The following DOCK10 variants were observed in gnomAD, a reference collection of about 807,000 sequenced individuals.
The protein encoded by DOCK10 is dedicator of cytokinesis 10.
DOCK10 carries 145 observed loss-of-function variants against 280.1 expected under a neutral mutation model. The ratio of observed to expected loss-of-function variants is 0.52; its 90% confidence interval spans 0.45 to 0.59. The LOEUF is 0.59. Among genes scored for constraint, DOCK10 ranks in the 20% least tolerant of loss-of-function variants. DOCK10 has a pLI of 0.00. For synonymous variants in DOCK10, 915 were observed against 942.2 expected (o/e 0.97, Z 0.53); for missense variants, 2,368 against 2,651.7 (o/e 0.89, Z 2.35).
chr2:224,984,586 T>C (rs1466307464), intron 1 of DOCK10, among the ~76,000 whole-genome samples: 3 of 151,560 alleles, frequency 2.0e-5, no homozygotes, highest in Non-Finnish European at 4.4e-5. Flanking sequence ...GATTAGTTTC[T>C]TTGGAATTCA....
At chr2:224,793,601 G>T in intron 45 of DOCK10, 144 bp from the exon 46 acceptor site, 1 of 572,078 alleles carries the variant, frequency 1.7e-6, no homozygotes, top group Non-Finnish European at 2.9e-6. Context: ...AGGATCAATT[G>T]TATTTCCAAA....
At chr2:224,945,531 G>C (rs1182455025) in intron 1 of DOCK10, among the ~76,000 whole-genome samples, 1 of 152,066 alleles carries the variant, frequency 6.6e-6, no homozygotes, top group African/African-American at 2.4e-5. Flanking sequence ...CAACAACACA[G>C]TACCAACCCT....
chr2:224,784,119 C>G (rs1263584883), intron 50 of DOCK10, among the ~76,000 whole-genome samples: 1 of 152,172 alleles, frequency 6.6e-6, no homozygotes, highest in Non-Finnish European at 1.5e-5. Context: ...TTGCTCCTTT[C>G]TCCATCTCTG....
Position 224,807,686 on chromosome 2 carries a change from A to G in DOCK10, c.3684T>C (p.Thr1228=). The G allele has an allele frequency of 6.4e-7, 1 of 1,562,188 alleles. No homozygotes were observed. The highest frequency in any genetic ancestry group is 2.3e-5 in the East Asian group (1 of 42,758). ...AACGTACCTGATTAGATGTATTGACAGTAAAAGGATACAGGTCCTTCAGAT... is the reference window on the plus strand; with the variant it reads ...AACGTACCTGATTAGATGTATTGACGGTAAAAGGATACAGGTCCTTCAGAT... ...RIYLKDLYPF[T]VNTSNQGSRD... Residue 1228 remains threonine, a synonymous_variant, in exon 33 of 56, where the codon ACT becomes ACC. Coordinates refer to ENST00000258390, the MANE Select transcript of DOCK10 (RefSeq NM_014689.3).
intron 2 of DOCK10, among the ~76,000 whole-genome samples, chr2:224,917,575 G>C (rs1701408217): frequency 6.6e-6 from 1 of 152,008 alleles, no homozygotes; most frequent in African/African-American, 2.4e-5. Context: ...GAAGGAAGAA[G>C]GAGTGTTTAG....
intron 7 of DOCK10, among the ~76,000 whole-genome samples, chr2:224,877,744 C>A (rs1698729487): frequency 6.6e-6 from 1 of 152,018 alleles, no homozygotes; most frequent in Non-Finnish European, 1.5e-5. Context: ...AGCGGGGGAA[C>A]CCAAGAACAA....
Position 224,845,619 on chromosome 2 carries a change from T to C in DOCK10, c.2259A>G (p.Gln753=), listed in dbSNP as rs748829514. 1.9e-6 allele frequency: 3 copies of C among 1,611,740 alleles called. No homozygotes were observed. In the South Asian group the frequency reaches 3.3e-5, roughly 18 times the overall value. Residue 753 remains glutamine, a synonymous_variant, in exon 20 of 56, where the codon CAA becomes CAG. Transcript: ENST00000258390. ...ACAAAATATGGTGTTTCTCATGGAG[T>C]TGTGTTGGTAGCTCAATTTTCACCT... ...SDEVKIELPT[Q]LHEKHHILFS...
intron 1 of DOCK10, among the ~76,000 whole-genome samples, chr2:224,980,589 C>T (rs551071313): frequency 6.6e-6 from 1 of 152,172 alleles, no homozygotes; most frequent in Non-Finnish European, 1.5e-5. Context: ...AAGAAATTTT[C>T]AAGATGCACA....
chr2:224,916,735 T>G lies in DOCK10; in HGVS notation c.293A>C (p.Glu98Ala), dbSNP rs754560775. 7.4e-6 allele frequency: 12 copies of G among 1,611,522 alleles called. No individual in the cohort carries two copies. Among genetic ancestry groups the G allele is most frequent in the Non-Finnish European group, 1.0e-5 (12 of 1,178,878 alleles). Reference protein sequence around the residue: ...DIRTLYSTVPEDAEHKAENLL... With the variant: ...DIRTLYSTVPADAEHKAENLL... ...ATTTTCTGCCTTGTGCTCTGCATCT[T>G]CAGGTACTGTTGAGTACAACGTGCG... The change falls in exon 3 of 56, where the codon GAA becomes GCA. Residue 98 changes from glutamate (E) to alanine (A), a missense_variant. Around this residue, in one of 2 missense-constraint regions of DOCK10, gnomAD observed 1,209 missense variants for 1,250.9 expected, o/e 0.97. Coordinates refer to ENST00000258390, the MANE Select transcript of DOCK10 (RefSeq NM_014689.3).
intron 1 of DOCK10, among the ~76,000 whole-genome samples, chr2:224,932,476 G>A (rs370122076): frequency 9.2e-5 from 14 of 151,928 alleles, no homozygotes; most frequent in African/African-American, 2.7e-4. Context: ...CTCCCTCGCC[G>A]CAAAACACAA....
Position 224,765,709 on chromosome 2 carries a change from G to A in DOCK10, c.*12C>T. The A allele has an allele frequency of 6.3e-7, 1 of 1,583,088 alleles. No individual in the cohort carries two copies. Among genetic ancestry groups the A allele is most frequent in the Non-Finnish European group, 8.7e-7 (1 of 1,153,820 alleles). ...AAGTTCTCTTAGAGGTGGGTCTGAT[G>A]CTGCAGAGCCCTCAGACTTCAGCAC... On this transcript the variant is annotated 3_prime_UTR_variant, in exon 56 of 56. Transcript: ENST00000258390.
At chr2:224,874,863 TGA>T (rs1698524353) in intron 8 of DOCK10, 112 bp from the exon 9 acceptor site, 1 of 891,276 alleles carries the variant, frequency 1.1e-6, no homozygotes. Flanking sequence ...GGGACGTTGG[TGA>T]GCCTAAGCTT....
Position 224,920,236 on chromosome 2 carries a change from CTTTTT to C in DOCK10, c.244-3457_244-3453del, listed in dbSNP as rs377415968. 6.0e-3 allele frequency among the ~76,000 whole-genome samples: 759 copies of C among 126,206 alleles called. 5 individuals are homozygous for C. The highest frequency in any genetic ancestry group is 0.022 in the African/African-American group (701 of 32,312). 82.8% of individuals were successfully genotyped at this position (126,206 alleles called of 152,430 possible). On this transcript the variant is annotated intron_variant, in intron 2 of 55. Transcript: ENST00000258390. ...CACCACTATGCCTGGCTAATTTTCA[CTTTTT>C]TTTTTTTTTTTTTGTAGAGACAGGG...
At chr2:224,845,967 G>T (rs543123620) in intron 19 of DOCK10, among the ~76,000 whole-genome samples, 1 of 152,004 alleles carries the variant, frequency 6.6e-6, no homozygotes, top group Non-Finnish European at 1.5e-5. Context: ...CAAGTGATCC[G>T]CCCGCCTTGG....
intron 1 of DOCK10, among the ~76,000 whole-genome samples, chr2:224,934,812 C>T (rs559778879): frequency 6.6e-6 from 1 of 152,312 alleles, no homozygotes; most frequent in Non-Finnish European, 1.5e-5. Context: ...GCCAAGATTA[C>T]TCTGAATTGG....
intron 14 of DOCK10, among the ~76,000 whole-genome samples, chr2:224,860,421 T>A (rs1574952092): frequency 6.6e-6 from 1 of 152,306 alleles, no homozygotes; most frequent in East Asian, 1.9e-4. Flanking sequence ...AATCTTTTAT[T>A]GGGTACATAT....
At chr2:224,810,872 T>C (rs1693725754) in intron 31 of DOCK10, among the ~76,000 whole-genome samples, 1 of 152,042 alleles carries the variant, frequency 6.6e-6, no homozygotes, top group Non-Finnish European at 1.5e-5. Flanking sequence ...ATTTTCTTAA[T>C]CCAGTCTATC....
Position 224,874,112 on chromosome 2 carries a change from ACT to A in DOCK10, c.1139_1140del (p.Glu380ValfsTer7). 6.2e-7 allele frequency: 1 copy of A among 1,608,622 alleles called. No individual in the cohort carries two copies. The highest frequency in any genetic ancestry group is 1.1e-5 in the South Asian group (1 of 90,002). On this transcript the variant is annotated frameshift_variant, in exon 11 of 56. Coordinates refer to ENST00000258390, the MANE Select transcript of DOCK10 (RefSeq NM_014689.3). LOFTEE classifies it high-confidence loss of function. ...KLQKKDLLEP[E>X]SVIKPFEEKA... ...TTTTCTTCAAATGGTTTGATCACAG[ACT>A]CAGGTTCCAAGAGATCTTTTTTTTG...
At chr2:224,972,135 T>A (rs2396172) in intron 1 of DOCK10, among the ~76,000 whole-genome samples, 113,680 of 152,104 alleles carry the variant, frequency 0.75, 43,651 homozygotes, top group African/African-American at 0.94. Context: ...TGGCAACAAA[T>A]AAAGAATACT....
Sources: gnomAD v4.1 joint callset for allele counts (sites outside exome capture counted in the v4.1 genomes callset) on GRCh38, gnomAD v4.1.1 for gene constraint, gnomAD v4.1.1 regional missense constraint, MANE v1.5 for transcripts, NCBI Gene and HGNC (gene_info 2026-07-23, HGNC 2026-07-21) for gene names.